The following COP1 variants were observed in gnomAD, a reference collection of about 807,000 sequenced individuals.
COP1 encodes COP1 E3 ubiquitin ligase.
A neutral mutation model predicts 101.3 loss-of-function variants in COP1; 24 were observed. The ratio of observed to expected loss-of-function variants is 0.24; its 90% CI spans 0.17 to 0.33. The LOEUF is 0.33. Among genes scored for constraint, COP1 ranks in the 10% least tolerant of loss-of-function variants. COP1 has a pLI of 1.00. For synonymous variants in COP1, 347 were observed against 341.9 expected, an observed-to-expected ratio of 1.01 and a Z score of -0.17; for missense variants, 663 against 906.2, an observed-to-expected ratio of 0.73 and a Z score of 3.45.
At chr1:176,113,595 C>T (rs1458151011) in intron 9 of COP1, among the ~76,000 whole-genome samples, 4 of 151,726 alleles carry the variant, frequency 2.6e-5, no homozygotes, top group Non-Finnish European at 5.9e-5. Flanking sequence ...TTTCTTGTTC[C>T]CCTATATAAA....
rs766858577 is a variant in COP1 at position 175,986,918 on chromosome 1, T to C, written c.2133+25A>G. ...TAATGCATAATATGAGATCCCAAGG[T>C]GAAAAAACTGATATGAAAACTTACC... is the stretch of plus-strand genomic sequence containing the variant. On this transcript the variant is annotated intron_variant, in intron 18 of 19. Coordinates refer to ENST00000367669, the MANE Select transcript of COP1 (RefSeq NM_022457.7). 3 of 1,534,868 alleles carry C rather than the reference T, an allele frequency of 2.0e-6. No individual in the cohort carries two copies. In the Admixed American group the frequency reaches 6.5e-5, roughly 33 times the overall value.
In COP1 at chr1:176,174,007, A is replaced by AAAAAAAAG. The variant is rs1456552067; in HGVS notation, c.565+1902_565+1903insCTTTTTTT. Among the ~76,000 whole-genome samples the AAAAAAAAG allele has an allele frequency of 2.8e-4, 34 of 122,014 alleles. 1 individual carries two copies. Among genetic ancestry groups the AAAAAAAAG allele is most frequent in the East Asian group, 9.9e-4 (3 of 3,042 alleles). 80.0% of individuals were successfully genotyped at this position (122,014 alleles called of 152,430 possible). On this transcript the variant is annotated intron_variant, in intron 3 of 19. Transcript: ENST00000367669. ...GTCTCAAAAAAAAAAAAAAAAAAAA[A>AAAAAAAAG]AGAGAATATATATAATGTAGGGGAT...
intron 11 of COP1, among the ~76,000 whole-genome samples, chr1:176,075,985 A>G (rs529495708): frequency 1.8e-4 from 25 of 141,034 alleles, no homozygotes; most frequent in African/African-American, 6.3e-4. Context: ...CCTGGGTAAC[A>G]AGCGCAAAAC....
intron 17 of COP1, 106 bp downstream of exon 17, chr1:175,988,182 A>T: frequency 9.5e-7 from 1 of 1,051,686 alleles, no homozygotes; most frequent in Non-Finnish European, 1.4e-6. Flanking sequence ...CTATCTTCTG[A>T]GTGCACAGAC....
chr1:176,136,404 C>CTTA, intron 7 of COP1, 84 bp downstream of exon 7: 1 of 883,122 alleles, frequency 1.1e-6, no homozygotes, highest in Non-Finnish European at 1.8e-6. Context: ...ATCCCATAAA[C>CTTA]TTAACACAGC....
At chr1:176,139,929 C>T (rs1311575485) in intron 6 of COP1, among the ~76,000 whole-genome samples, 3 of 152,120 alleles carry the variant, frequency 2.0e-5, no homozygotes, top group Non-Finnish European at 2.9e-5. Flanking sequence ...GAAACCCGTA[C>T]ATGTACTCCC....
rs560001630 is a variant in COP1 at position 176,005,510 on chromosome 1, C to A, written c.1730-16031G>T. On this transcript the variant is annotated intron_variant, in intron 15 of 19. Coordinates refer to ENST00000367669, the MANE Select transcript of COP1 (RefSeq NM_022457.7). ...ATTTAGTGCTATAAATTTCCCTCTA[C>A]ACACTGCTTTGAATGTGTCCCAGAG... 2.4e-3 allele frequency among the ~76,000 whole-genome samples: 366 copies of A among 152,216 alleles called. 2 individuals are homozygous for A. Among genetic ancestry groups the A allele is most frequent in the African/African-American group, 8.4e-3 (349 of 41,514 alleles).
intron 6 of COP1, among the ~76,000 whole-genome samples, chr1:176,136,809 G>C (rs779555639): frequency 6.6e-6 from 1 of 152,082 alleles, no homozygotes; most frequent in Non-Finnish European, 1.5e-5. Context: ...ATAAAAGTAT[G>C]AGATGAATGA....
At chr1:176,024,129 G>A (rs964901967) in intron 15 of COP1, among the ~76,000 whole-genome samples, 1 of 152,042 alleles carries the variant, frequency 6.6e-6, no homozygotes, top group Non-Finnish European at 1.5e-5. Flanking sequence ...TGTGGTGGCT[G>A]GTGCCCGTAG....
chr1:176,096,545 T>A (rs879744803), intron 9 of COP1, among the ~76,000 whole-genome samples: 1 of 152,256 alleles, frequency 6.6e-6, no homozygotes, highest in East Asian at 1.9e-4. Flanking sequence ...CAGACTACCA[T>A]TGGTCTGAGC....
At chr1:175,961,853 G>C (rs1651408274) in intron 18 of COP1, among the ~76,000 whole-genome samples, 1 of 151,812 alleles carries the variant, frequency 6.6e-6, no homozygotes, top group African/African-American at 2.4e-5. Context: ...AATTTCACAG[G>C]AGAAAAGATG....
chr1:176,155,864 T>C (rs1572573428), intron 5 of COP1, among the ~76,000 whole-genome samples: 1 of 151,920 alleles, frequency 6.6e-6, no homozygotes, highest in East Asian at 1.9e-4. Context: ...TAAAGTGTTT[T>C]AAAAAGAAAA....
intron 3 of COP1, among the ~76,000 whole-genome samples, chr1:176,172,932 T>C (rs1476295796): frequency 6.6e-6 from 1 of 152,220 alleles, no homozygotes; most frequent in Non-Finnish European, 1.5e-5. Flanking sequence ...TGTATCAGGA[T>C]GAAATGTTAT....
In COP1 at chr1:175,989,510, T is replaced by TA. The variant is rs763302837; in HGVS notation, c.1730-32dup. On this transcript the variant is annotated intron_variant, in intron 15 of 19. Transcript: ENST00000367669. ...ACAAAACAAAATTAGATAAATGTAGTAAATGCAGAAATGGAAAGCAAAGTT... is the reference window on the plus strand; with the variant it reads ...ACAAAACAAAATTAGATAAATGTAGTAAAATGCAGAAATGGAAAGCAAAGTT... 5 of 1,207,184 alleles carry TA rather than the reference T, an allele frequency of 4.1e-6. No individual in the cohort carries two copies. The South Asian group carries it at 6.2e-5, about 15-fold the overall frequency. The allele number at this position is 1,207,184 out of a possible 1,614,324, so 74.8% of individuals were successfully genotyped here.
intron 9 of COP1, among the ~76,000 whole-genome samples, chr1:176,109,213 A>C (rs1000520330): frequency 6.6e-6 from 1 of 152,170 alleles, no homozygotes; most frequent in Non-Finnish European, 1.5e-5. Context: ...ATTTGGGTTT[A>C]AATTTTGTTT....
At chr1:176,095,853 T>A (rs4650934) in intron 9 of COP1, among the ~76,000 whole-genome samples, 25,391 of 151,850 alleles carry the variant, frequency 0.17, 2,352 homozygotes, top group Middle Eastern at 0.3. Context: ...TAATTTTTTT[T>A]AAAAAAACAT....
At chr1:176,035,404 C>A (rs1669327551) in intron 14 of COP1, among the ~76,000 whole-genome samples, 1 of 150,998 alleles carries the variant, frequency 6.6e-6, no homozygotes. Flanking sequence ...GTCTATGAGA[C>A]AGAACGAAAG....
chr1:176,046,411 C>T lies in COP1; in HGVS notation c.1278-87G>A, dbSNP rs1671528870. On this transcript the variant is annotated intron_variant, in intron 11 of 19. Coordinates refer to ENST00000367669, the MANE Select transcript of COP1 (RefSeq NM_022457.7). Reference sequence around the variant, plus strand: ...AATTCGGTCTACAAGGATAAAAGATCTACTTTAAATACCTTCAAATTGTAC... The same window carrying T: ...AATTCGGTCTACAAGGATAAAAGATTTACTTTAAATACCTTCAAATTGTAC... 3 of 1,255,750 alleles carry T rather than the reference C, an allele frequency of 2.4e-6. No individual in the cohort carries two copies. The Admixed American group carries it at 7.4e-5, about 31-fold the overall frequency. The allele number at this position is 1,255,750 out of a possible 1,614,324, so 77.8% of individuals were successfully genotyped here. A position where few individuals can be genotyped will look rare whatever the true frequency, so the allele number is the denominator to read the frequency against.
intron 18 of COP1, among the ~76,000 whole-genome samples, chr1:175,986,603 C>G (rs1332470183): frequency 6.6e-6 from 1 of 152,070 alleles, no homozygotes; most frequent in Non-Finnish European, 1.5e-5. Flanking sequence ...CAAGCTTATA[C>G]TGCACATAAT....
Sources: allele counts gnomAD v4.1 joint callset (sites outside exome capture counted in the v4.1 genomes callset), GRCh38; gene constraint gnomAD v4.1.1; transcripts MANE v1.5; gene names NCBI Gene and HGNC (gene_info 2026-07-23, HGNC 2026-07-21).